Variants in GPR158 observed in about 807,000 individuals in gnomAD.
The protein encoded by GPR158 is G protein-coupled receptor 158.
Under a neutral mutation model 78.2 loss-of-function variants are expected in GPR158, and 30 were observed. That is an observed-to-expected ratio of 0.38 (90% CI 0.29 to 0.52). The LOEUF (loss-of-function observed/expected upper bound fraction) is 0.52, where lower values mean the gene tolerates loss of function less well. Among genes scored for constraint, GPR158 ranks in the 20% least tolerant of loss-of-function variants. The pLI is 0.83. For synonymous variants in GPR158, 581 were observed against 591.1 expected (o/e 0.98, Z 0.25); for missense variants, 1,463 against 1,523.5 (o/e 0.96, Z 0.66).
chr10:25,441,685 C>T (rs536510823), intron 4 of GPR158, among the ~76,000 whole-genome samples: 28 of 152,234 alleles, frequency 1.8e-4, no homozygotes, highest in African/African-American at 6.5e-4. Flanking sequence ...TGGTATACCT[C>T]CAAGATTGGG....
intron 1 of GPR158, among the ~76,000 whole-genome samples, chr10:25,179,981 T>C (rs1538713): frequency 0.029 from 4,352 of 152,292 alleles, 195 homozygotes; most frequent in African/African-American, 0.096. Flanking sequence ...GTTGAATGCA[T>C]AGATAGCTCT....
In GPR158 at chr10:25,599,129, G is replaced by A. The variant is rs372046524; in HGVS notation, c.3503G>A (p.Arg1168Gln). The change falls in exon 11 of 11, where the codon CGA becomes CAA. Residue 1168 changes from arginine (R) to glutamine (Q), a missense_variant. Transcript: ENST00000376351. The stretch of plus-strand genomic sequence containing the variant: ...AACTTCCAGCAACCTTTAACATCAC[G>A]AGCAGAGGTTTGTCCTTGGGAGTTT... ...SNNFQQPLTS[R>Q]AEVCPWEFET... 2.3e-5 allele frequency: 37 copies of A among 1,611,216 alleles called. No homozygotes were observed. In the African/African-American group the frequency reaches 2.7e-4, roughly 12 times the overall value.
chr10:25,588,999 T>C lies in GPR158; in HGVS notation c.1754-8T>C, dbSNP rs531817152. The C allele has an allele frequency of 3.3e-5, 51 of 1,539,178 alleles. No homozygotes were observed. The Middle Eastern group carries it at 1.4e-3, about 42-fold the overall frequency. ...AAAACTCATGAAAATGGTTTGTTATTTTCACAGCTGAATTTTTATTCCTCT... is the reference window on the plus strand; with the variant it reads ...AAAACTCATGAAAATGGTTTGTTATCTTCACAGCTGAATTTTTATTCCTCT... On this transcript the variant is annotated splice_polypyrimidine_tract_variant and splice_region_variant and intron_variant, in intron 7 of 10. Coordinates refer to ENST00000376351, the MANE Select transcript of GPR158 (RefSeq NM_020752.3).
At chr10:25,225,752 C>T (rs908630355) in intron 2 of GPR158, among the ~76,000 whole-genome samples, 75 of 152,142 alleles carry the variant, frequency 4.9e-4, no homozygotes, top group African/African-American at 1.7e-3. Flanking sequence ...GACAGTTTCC[C>T]ATATCTCCTC....
chr10:25,462,203 C>T (rs1835366303), intron 4 of GPR158, among the ~76,000 whole-genome samples: 1 of 152,160 alleles, frequency 6.6e-6, no homozygotes, highest in Non-Finnish European at 1.5e-5. Flanking sequence ...CATGCTAAAC[C>T]AACTCTGCCT....
chr10:25,459,374 C>A (rs779948201), intron 4 of GPR158, among the ~76,000 whole-genome samples: 1 of 152,052 alleles, frequency 6.6e-6, no homozygotes, highest in Non-Finnish European at 1.5e-5. Flanking sequence ...AAATATAGTT[C>A]TATTGCTCTC....
chr10:25,254,042 A>G (rs565037282), intron 2 of GPR158, among the ~76,000 whole-genome samples: 1 of 152,298 alleles, frequency 6.6e-6, no homozygotes, highest in African/African-American at 2.4e-5. Context: ...AAGAGCTTTG[A>G]CTATTGTATA....
chr10:25,445,198 C>T (rs61846633), intron 4 of GPR158, among the ~76,000 whole-genome samples: 14 of 152,158 alleles, frequency 9.2e-5, no homozygotes, highest in South Asian at 2.1e-4. Flanking sequence ...GAGGAAGTAA[C>T]GCTTGATTCT....
At chr10:25,417,951 GGCC>G (rs1834686184) in intron 4 of GPR158, among the ~76,000 whole-genome samples, 1 of 152,090 alleles carries the variant, frequency 6.6e-6, no homozygotes, top group African/African-American at 2.4e-5. Flanking sequence ...TGTCATTGAG[GGCC>G]TGCTAGAAAT....
chr10:25,298,804 T>C (rs1854552243), intron 2 of GPR158, among the ~76,000 whole-genome samples: 1 of 152,210 alleles, frequency 6.6e-6, no homozygotes, highest in Non-Finnish European at 1.5e-5. Flanking sequence ...TTAAAAAGAA[T>C]GCTTTAGTTT....
At chr10:25,273,091 G>A (rs1854138196) in intron 2 of GPR158, among the ~76,000 whole-genome samples, 1 of 152,168 alleles carries the variant, frequency 6.6e-6, no homozygotes, top group Non-Finnish European at 1.5e-5. Context: ...TTATGTCACT[G>A]CTTTACAAGG....
intron 2 of GPR158, among the ~76,000 whole-genome samples, chr10:25,376,865 T>G (rs1448287210): frequency 6.6e-6 from 1 of 151,638 alleles, no homozygotes; most frequent in Non-Finnish European, 1.5e-5. Context: ...CTATATATTT[T>G]TATGTTGCTC....
chr10:25,252,998 G>C (rs1341758555), intron 2 of GPR158, among the ~76,000 whole-genome samples: 1 of 152,238 alleles, frequency 6.6e-6, no homozygotes, highest in African/African-American at 2.4e-5. Flanking sequence ...AGAGCCAGGT[G>C]TGGGATATAG....
intron 2 of GPR158, among the ~76,000 whole-genome samples, chr10:25,323,598 G>C (rs990318273): frequency 1.3e-5 from 2 of 151,698 alleles, no homozygotes; most frequent in African/African-American, 4.9e-5. Context: ...GCAATCATAG[G>C]TCACTGCAGC....
intron 2 of GPR158, among the ~76,000 whole-genome samples, chr10:25,376,052 C>A (rs139131806): frequency 0.011 from 1,720 of 151,550 alleles, 7 homozygotes; most frequent in Non-Finnish European, 0.016. Context: ...TCTTTGATTT[C>A]TTTAGCAGCA....
chr10:25,360,787 A>T (rs1401858909), intron 2 of GPR158, among the ~76,000 whole-genome samples: 1 of 152,014 alleles, frequency 6.6e-6, no homozygotes, highest in Non-Finnish European at 1.5e-5. Context: ...GTTTTTTTCT[A>T]ATTCTGCAAA....
intron 5 of GPR158, among the ~76,000 whole-genome samples, chr10:25,471,616 A>G (rs1449875323): frequency 6.6e-6 from 1 of 152,144 alleles, no homozygotes; most frequent in Admixed American, 6.6e-5. Context: ...TATCCTTTCC[A>G]GCACCTGTTG....
chr10:25,252,813 A>G (rs1439904824), intron 2 of GPR158, among the ~76,000 whole-genome samples: 2 of 152,056 alleles, frequency 1.3e-5, no homozygotes, highest in Non-Finnish European at 2.9e-5. Context: ...AGAGGCAGGC[A>G]GGCCTCCTTG....
At chr10:25,355,026 T>TG (rs1303849266) in intron 2 of GPR158, among the ~76,000 whole-genome samples, 1 of 152,076 alleles carries the variant, frequency 6.6e-6, no homozygotes, top group Non-Finnish European at 1.5e-5. Flanking sequence ...TTAGATGCCT[T>TG]GGGGTAGTCT....
Sources: gnomAD v4.1 joint callset for allele counts (sites outside exome capture counted in the v4.1 genomes callset) on GRCh38, gnomAD v4.1.1 for gene constraint, MANE v1.5 for transcripts, NCBI Gene and HGNC (gene_info 2026-07-23, HGNC 2026-07-21) for gene names.